PGBD2: variants seen among roughly 807,000 people sequenced by gnomAD.
PGBD2 encodes piggyBac transposable element-derived protein 2.
A neutral mutation model predicts 8.1 loss-of-function variants in PGBD2; 6 were observed. That is an observed-to-expected ratio of 0.74 (90% CI 0.40 to 1.46). The LOEUF is 1.46. Among genes scored for constraint, PGBD2 ranks in the 40% most tolerant of loss-of-function variants. The pLI is 0.02. For synonymous variants in PGBD2, 318 were observed against 272.2 expected, an observed-to-expected ratio of 1.17 and a Z score of -1.66; for missense variants, 802 against 739.0, an observed-to-expected ratio of 1.09 and a Z score of -0.99.
the PGBD2 span, among the ~76,000 whole-genome samples, chr1:248,898,803 C>CA: frequency 4.3e-3 from 647 of 152,004 alleles, 1 homozygote; most frequent in African/African-American, 0.015. Flanking sequence ...AATTAAAGGA[C>CA]AAAAAATGGC....
chr1:248,891,721 A>C, the PGBD2 span, among the ~76,000 whole-genome samples: 660 of 152,300 alleles, frequency 4.3e-3, 4 homozygotes, highest in African/African-American at 0.015. Flanking sequence ...GTACTAGGGA[A>C]GCTGAAGCGG....
At chr1:248,883,058 A>C in the PGBD2 span, among the ~76,000 whole-genome samples, 1 of 152,184 alleles carries the variant, frequency 6.6e-6, no homozygotes, top group Non-Finnish European at 1.5e-5. Flanking sequence ...TGTTATCCCC[A>C]GGTTTGAGTG....
At chr1:248,874,620 C>T in the PGBD2 span, among the ~76,000 whole-genome samples, 4 of 152,084 alleles carry the variant, frequency 2.6e-5, no homozygotes, top group Non-Finnish European at 5.9e-5. Context: ...AAAAAGTCTC[C>T]CTAGGTGTCC....
the PGBD2 span, among the ~76,000 whole-genome samples, chr1:248,899,374 C>CA: frequency 1.6e-4 from 25 of 152,142 alleles, no homozygotes; most frequent in African/African-American, 5.3e-4. Context: ...TCAGCAAATG[C>CA]AAAAAACTGA....
chr1:248,874,760 T>G, the PGBD2 span, among the ~76,000 whole-genome samples: 1 of 152,166 alleles, frequency 6.6e-6, no homozygotes, highest in Non-Finnish European at 1.5e-5. Flanking sequence ...AGCATCTATC[T>G]TTTCATTTTT....
chr1:248,928,123 G>T, the PGBD2 span, among the ~76,000 whole-genome samples: 8 of 151,478 alleles, frequency 5.3e-5, no homozygotes, highest in African/African-American at 1.7e-4. Context: ...CTGCTTTTTT[G>T]TCCCAGCAGC....
At chr1:248,920,546 A>T (rs1662263254), downstream of PGBD2, among the ~76,000 whole-genome samples, 2 of 152,048 alleles carry the variant, frequency 1.3e-5, no homozygotes, top group African/African-American at 2.4e-5. Flanking sequence ...TCTATTATTG[A>T]TGGACATTTG....
intron 1 of PGBD2, among the ~76,000 whole-genome samples, chr1:248,910,542 C>T (rs771805458): frequency 1.4e-4 from 22 of 152,194 alleles, no homozygotes; most frequent in Non-Finnish European, 2.6e-4. Flanking sequence ...CAGCTCATCG[C>T]TGGTGGCTCC....
chr1:248,877,855 G>A, the PGBD2 span, among the ~76,000 whole-genome samples: 21 of 152,180 alleles, frequency 1.4e-4, no homozygotes, highest in African/African-American at 4.3e-4. Context: ...ATGGCTAGAA[G>A]TGATGTTGAG....
Position 248,917,447 on chromosome 1 carries a change from A to G in PGBD2, c.863A>G (p.Lys288Arg), listed in dbSNP as rs760032890. 6.2e-7 allele frequency: 1 copy of G among 1,614,048 alleles called. No homozygotes were observed. The highest frequency in any genetic ancestry group is 1.6e-4 in the Middle Eastern group (1 of 6,062). Reference sequence around the variant, plus strand: ...GGGTCCAAGCAGCTGCACAGGGGGAAGCCTGTGCGACTTGGCTACAAGATT... The same window carrying G: ...GGGTCCAAGCAGCTGCACAGGGGGAGGCCTGTGCGACTTGGCTACAAGATT... ...HRGSKQLHRG[K>R]PVRLGYKIWC... The change falls in exon 3 of 3, where the codon AAG becomes AGG. Residue 288 changes from lysine to arginine, a missense_variant. Coordinates refer to ENST00000329291, the MANE Select transcript of PGBD2 (RefSeq NM_170725.3).
chr1:248,907,131 G>A (rs1043345835), intron 1 of PGBD2, among the ~76,000 whole-genome samples: 27 of 152,162 alleles, frequency 1.8e-4, no homozygotes, highest in African/African-American at 4.3e-4. Flanking sequence ...AGAGGAATGC[G>A]GTAGGAGAGC....
Position 248,916,693 on chromosome 1 carries a change from A to G in PGBD2, c.109A>G (p.Asn37Asp). Residue 37 changes from asparagine (N) to aspartate (D), a missense_variant, in exon 3 of 3, where the codon AAC becomes GAC. By Grantham distance (23) the Asn-to-Asp change is conservative. Coordinates refer to ENST00000329291, the MANE Select transcript of PGBD2 (RefSeq NM_170725.3). ...LNAMEEEESN[N>D]NREEIFIAPP... Reference sequence around the variant, plus strand: ...TGCTATGGAGGAGGAAGAGTCCAACAACAACAGGGAAGAGATTTTCATTGC... The same window carrying G: ...TGCTATGGAGGAGGAAGAGTCCAACGACAACAGGGAAGAGATTTTCATTGC... 1.2e-6 allele frequency: 2 copies of G among 1,614,172 alleles called. No homozygotes were observed. Among genetic ancestry groups the G allele is most frequent in the Non-Finnish European group, 1.7e-6 (2 of 1,180,028 alleles).
At chr1:248,904,271 G>A (rs895245936), upstream of PGBD2, among the ~76,000 whole-genome samples, 1 of 151,104 alleles carries the variant, frequency 6.6e-6, no homozygotes, top group African/African-American at 2.5e-5. Context: ...CTAGCTTAAC[G>A]GGCTAAATTT....
chr1:248,910,329 C>G (rs764435799), intron 1 of PGBD2, among the ~76,000 whole-genome samples: 13 of 152,172 alleles, frequency 8.5e-5, no homozygotes, highest in Non-Finnish European at 1.8e-4. Context: ...CCATATTTGG[C>G]TTTTGGAATT....
At chr1:248,930,070 G>C in the PGBD2 span, among the ~76,000 whole-genome samples, 2 of 152,198 alleles carry the variant, frequency 1.3e-5, no homozygotes, top group Non-Finnish European at 2.9e-5. Flanking sequence ...GCTGAGGAGG[G>C]AGCTCTGCCA....
At chr1:248,916,397 C>T (rs1196000233) in intron 2 of PGBD2, among the ~76,000 whole-genome samples, 1 of 151,656 alleles carries the variant, frequency 6.6e-6, no homozygotes, top group Non-Finnish European at 1.5e-5. Flanking sequence ...AGCATGACTC[C>T]GTCTAAAAAA....
chr1:248,916,581 T>C, intron 2 of PGBD2, 21 bp from the exon 3 acceptor site: 1 of 1,607,530 alleles, frequency 6.2e-7, no homozygotes, highest in Non-Finnish European at 8.5e-7. Context: ...CTCTTCCTGA[T>C]TCTGTTTCCT....
intron 1 of PGBD2, among the ~76,000 whole-genome samples, chr1:248,913,104 A>G (rs1407622982): frequency 6.6e-6 from 1 of 152,034 alleles, no homozygotes; most frequent in African/African-American, 2.4e-5. Flanking sequence ...GCCTGGCCAG[A>G]GCACTCAGAT....
the PGBD2 span, among the ~76,000 whole-genome samples, chr1:248,874,474 C>A: frequency 6.6e-6 from 1 of 152,132 alleles, no homozygotes; most frequent in East Asian, 1.9e-4. Flanking sequence ...AGTTTATGCG[C>A]GCCGTATATG....
Sources: allele counts gnomAD v4.1 joint callset (sites outside exome capture counted in the v4.1 genomes callset), GRCh38; gene constraint gnomAD v4.1.1; transcripts MANE v1.5; gene names NCBI Gene and HGNC (gene_info 2026-07-23, HGNC 2026-07-21).